The following TAPT1 variants were observed in gnomAD, a reference collection of about 807,000 sequenced individuals.
TAPT1 encodes transmembrane anterior posterior transformation 1, also known as transmembrane anterior posterior transformation protein 1 homolog.
Under a neutral mutation model 65.6 loss-of-function variants are expected in TAPT1, and 28 were observed. The observed-to-expected ratio is 0.43, with a 90% CI of 0.32 to 0.59. The LOEUF (loss-of-function observed/expected upper bound fraction) is 0.59, where lower values mean the gene tolerates loss of function less well. TAPT1 is among the 20% of genes least tolerant of loss of function. The probability of loss-of-function intolerance (pLI) is 0.09; values close to 1 mark genes in which losing one functional copy is unlikely to be tolerated. For synonymous variants in TAPT1, 278 were observed against 245.2 expected (o/e 1.13, Z -1.25); for missense variants, 563 against 679.9 (o/e 0.83, Z 1.91).
intron 2 of TAPT1, among the ~76,000 whole-genome samples, chr4:16,206,599 G>A (rs1011711746): frequency 6.6e-6 from 1 of 151,946 alleles, no homozygotes; most frequent in Non-Finnish European, 1.5e-5. Context: ...GGATGAGATC[G>A]ACTTTCTAGG....
chr4:16,187,078 A>G lies in TAPT1; in HGVS notation c.749-200T>C, dbSNP rs182829245. Among the ~76,000 whole-genome samples, 350 of 152,324 alleles carry G rather than the reference A, an allele frequency of 2.3e-3. 1 individual carries two copies. The highest frequency in any genetic ancestry group is 4.2e-3 in the Non-Finnish European group (287 of 68,008). ...ATGTGCAATCCACATGAAACGAACA[A>G]AAGTGGAAATGTACCTCTATGCATT... is the stretch of plus-strand genomic sequence containing the variant. On this transcript the variant is annotated intron_variant, in intron 5 of 13. Coordinates refer to ENST00000405303, the MANE Select transcript of TAPT1 (RefSeq NM_153365.3).
intron 5 of TAPT1, among the ~76,000 whole-genome samples, chr4:16,187,786 C>T (rs1021308934): frequency 7.9e-5 from 12 of 152,082 alleles, no homozygotes; most frequent in Non-Finnish European, 1.8e-4. Context: ...CATAAAACCA[C>T]CAAAACTCCT....
Position 16,188,294 on chromosome 4 carries a change from G to C in TAPT1, c.674C>G (p.Ala225Gly), listed in dbSNP as rs1186425611. The change falls in exon 5 of 14, where the codon GCA (alanine) becomes GGA (glycine). Residue 225 changes from alanine (A) to glycine (G), a missense_variant. Ala to Gly is a moderately conservative substitution (Grantham distance 60). Coordinates refer to ENST00000405303, the MANE Select transcript of TAPT1 (RefSeq NM_153365.3). ...QDILDALYWT[A>G]TEPKERKRAH... ...TCTTTTTCTTTCTTTAGGCTCTGTT[G>C]CTGTCCAATAGAGAGCATCTAATAT... 3.7e-6 allele frequency: 6 copies of C among 1,612,242 alleles called. No homozygotes were observed. In the South Asian group the frequency reaches 4.4e-5, roughly 12 times the overall value.
At chr4:16,209,274 T>A (rs578162972) in intron 2 of TAPT1, among the ~76,000 whole-genome samples, 1 of 152,302 alleles carries the variant, frequency 6.6e-6, no homozygotes, top group African/African-American at 2.4e-5. Flanking sequence ...ATTCTTCATA[T>A]TTTATTTGTA....
rs1747345674 is a variant in TAPT1, at chr4:16,162,888, T to TTTTCAC, written c.*419_*420insGTGAAA. 2.6e-6 allele frequency: 1 copy of TTTTCAC among 388,146 alleles called. No individual in the cohort carries two copies. The highest frequency in any genetic ancestry group is 5.4e-6 in the Non-Finnish European group (1 of 185,910). The allele number at this position is 388,146 out of a possible 1,614,324, so 24.0% of individuals were successfully genotyped here. Reference sequence around the variant, plus strand: ...AACGTTTGAAAACTGTTTGTGAAAATAGTATGAGACTGGAAAGATTACGTC... The same window carrying TTTTCAC: ...AACGTTTGAAAACTGTTTGTGAAAATTTTCACAGTATGAGACTGGAAAGATTACGTC... On this transcript the variant is annotated 3_prime_UTR_variant, in exon 14 of 14. Coordinates refer to ENST00000405303, the MANE Select transcript of TAPT1 (RefSeq NM_153365.3).
chr4:16,202,361 G>A (rs1750085876), intron 3 of TAPT1, 101 bp downstream of exon 3: 1 of 679,992 alleles, frequency 1.5e-6, no homozygotes, highest in Non-Finnish European at 2.5e-6. Flanking sequence ...GGGCCAAAGT[G>A]TGGATGAAAC....
chr4:16,209,303 C>T (rs1750524967), intron 2 of TAPT1, among the ~76,000 whole-genome samples: 1 of 152,156 alleles, frequency 6.6e-6, no homozygotes, highest in South Asian at 2.1e-4. Flanking sequence ...AAGCACTTGT[C>T]ACGTTGTATC....
chr4:16,200,183 A>G (rs907113250), intron 3 of TAPT1, among the ~76,000 whole-genome samples: 7 of 152,352 alleles, frequency 4.6e-5, no homozygotes, highest in South Asian at 2.1e-4. Flanking sequence ...GCCAACAGCC[A>G]CTAAGAACAT....
In TAPT1 at chr4:16,196,564, C is replaced by T. The variant is rs77587689; in HGVS notation, c.450-5041G>A. The T allele has an allele frequency of 3.3e-4, 172 of 522,436 alleles. 2 individuals are homozygous for T. The highest frequency in any genetic ancestry group is 3.1e-3 in the African/African-American group (159 of 51,112). 32.4% of individuals were successfully genotyped at this position (522,436 alleles called of 1,614,324 possible). A position where few individuals can be genotyped will look rare whatever the true frequency, so the allele number is the denominator to read the frequency against. On this transcript the variant is annotated intron_variant, in intron 3 of 13. Transcript: ENST00000405303. ...CATTTTCTTCAGTATGTTTCTACCC[C>T]CTAATGGCTATGTCTGCCTATCCTG...
chr4:16,176,039 ACTC>A, intron 9 of TAPT1, 77 bp downstream of exon 9: 1 of 636,482 alleles, frequency 1.6e-6, no homozygotes, highest in Non-Finnish European at 2.6e-6. Flanking sequence ...GTATTAACAA[ACTC>A]CTATTATTCT....
At chr4:16,219,327 CCT>C (rs1418358959) in intron 1 of TAPT1, among the ~76,000 whole-genome samples, 1 of 146,592 alleles carries the variant, frequency 6.8e-6, no homozygotes, top group East Asian at 1.9e-4. Context: ...CTGTCCCTCC[CCT>C]TTACCTGTGC....
chr4:16,179,555 T>A (rs779867999), intron 8 of TAPT1, 22 bp downstream of exon 8: 3 of 1,421,584 alleles, frequency 2.1e-6, no homozygotes, highest in Non-Finnish European at 2.8e-6. Flanking sequence ...TATAAGACAC[T>A]GTTTTGTTAA....
At chr4:16,194,586 T>C (rs1749577215) in intron 3 of TAPT1, among the ~76,000 whole-genome samples, 1 of 152,178 alleles carries the variant, frequency 6.6e-6, no homozygotes. Flanking sequence ...CAATCTCATC[T>C]CAATAAATTG....
intron 5 of TAPT1, 58 bp from the exon 6 acceptor site, chr4:16,186,936 T>C: frequency 1.1e-6 from 1 of 930,314 alleles, no homozygotes; most frequent in South Asian, 1.5e-5. Flanking sequence ...CTGATAATAC[T>C]ATAAAATTTT....
Position 16,164,499 on chromosome 4 carries a change from CCT to C in TAPT1, c.1475-964_1475-963del, listed in dbSNP as rs567412009. ...TGAATGTACTTCTCATAACATGACC[CCT>C]GAGTCAATGGCCCTGCCCTGCAGTA... is the stretch of plus-strand genomic sequence containing the variant. On this transcript the variant is annotated intron_variant, in intron 13 of 13. Coordinates refer to ENST00000405303, the MANE Select transcript of TAPT1 (RefSeq NM_153365.3). Among the ~76,000 whole-genome samples the C allele has an allele frequency of 2.3e-3, 355 of 152,284 alleles. 2 individuals carry two copies. The highest frequency in any genetic ancestry group is 3.4e-3 in the Non-Finnish European group (228 of 68,024).
At chr4:16,192,948 G>C (rs1749459796) in intron 3 of TAPT1, among the ~76,000 whole-genome samples, 1 of 152,178 alleles carries the variant, frequency 6.6e-6, no homozygotes, top group African/African-American at 2.4e-5. Flanking sequence ...TTCCTCCAAA[G>C]ATCTTTGTGG....
chr4:16,176,451 GC>G, intron 8 of TAPT1: 1 of 295,088 alleles, frequency 3.4e-6, no homozygotes, highest in South Asian at 9.5e-5. Flanking sequence ...AGTGGCTCAC[GC>G]CTGTAATCCC....
At chr4:16,209,502 T>C (rs1750537445) in intron 2 of TAPT1, among the ~76,000 whole-genome samples, 1 of 152,222 alleles carries the variant, frequency 6.6e-6, no homozygotes, top group African/African-American at 2.4e-5. Flanking sequence ...AACAGGAAAT[T>C]TTAGAAGATC....
chr4:16,183,700 C>T (rs1748845235), intron 7 of TAPT1, among the ~76,000 whole-genome samples: 3 of 152,130 alleles, frequency 2.0e-5, no homozygotes, highest in Admixed American at 2.0e-4. Flanking sequence ...ACATGGTTTC[C>T]ACAACAAACG....
Sources: allele counts gnomAD v4.1 joint callset (sites outside exome capture counted in the v4.1 genomes callset), GRCh38; gene constraint gnomAD v4.1.1; transcripts MANE v1.5; gene names NCBI Gene and HGNC (gene_info 2026-07-23, HGNC 2026-07-21).